The following MYO7A variants were observed in gnomAD, a reference collection of about 807,000 sequenced individuals.
The protein encoded by MYO7A is unconventional myosin-VIIa.
Under a neutral mutation model 263.8 loss-of-function variants are expected in MYO7A, and 210 were observed. The observed-to-expected ratio is 0.80, with a 90% CI of 0.71 to 0.89. The LOEUF is 0.89. Among genes scored for constraint, MYO7A ranks in the 40% least tolerant of loss-of-function variants. MYO7A has a pLI of 0.00. For synonymous variants in MYO7A, 1,239 were observed against 1,197.3 expected (o/e 1.03, Z -0.72); for missense variants, 2,820 against 2,968.3 (o/e 0.95, Z 1.16).
chr11:77,201,635 T>G lies in MYO7A; in HGVS notation c.5040T>G (p.Ile1680Met). 2 of 1,612,592 alleles carry G rather than the reference T, an allele frequency of 1.2e-6. No individual in the cohort carries two copies. Among genetic ancestry groups the G allele is most frequent in the Non-Finnish European group, 1.7e-6 (2 of 1,178,896 alleles). The change falls in exon 36 of 49, where the codon ATT becomes ATG. Residue 1680 changes from isoleucine to methionine, a missense_variant. Transcript: ENST00000409709. ...CTGTCACCATGCCACCGCGGGAGATTGTGGTATGTGGCCTGGGGGTGGCAG... is the reference window on the plus strand; with the variant it reads ...CTGTCACCATGCCACCGCGGGAGATGGTGGTATGTGGCCTGGGGGTGGCAG... ...MPTVTMPPREIVALVTMTPDQ... is the reference protein window; with the variant it reads ...MPTVTMPPREMVALVTMTPDQ...
rs552453906 is a variant in MYO7A at position 77,138,091 on chromosome 11, G to A, written c.19-4618G>A. Among the ~76,000 whole-genome samples the A allele has an allele frequency of 0.011, 1,720 of 152,236 alleles. 23 individuals carry two copies. Among genetic ancestry groups the A allele is most frequent in the Non-Finnish European group, 0.018 (1,242 of 67,998 alleles). The stretch of plus-strand genomic sequence containing the variant: ...CCGCGGTGCCAGTGAAGCCGCCTGG[G>A]ATTCCGGGCAAAGTGGGGCTGTGGG... On this transcript the variant is annotated intron_variant, in intron 2 of 48. Coordinates refer to ENST00000409709, the MANE Select transcript of MYO7A (RefSeq NM_000260.4). This position sits in a 1 kb window ranked among gnomAD's most constrained non-coding sequence, Gnocchi z 4.9.
At chr11:77,131,981 AATG>A (rs1950779011) in intron 2 of MYO7A, among the ~76,000 whole-genome samples, 2 of 152,176 alleles carry the variant, frequency 1.3e-5, no homozygotes, top group South Asian at 4.1e-4. Context: ...TCATATGTAA[AATG>A]AAGATTAAAA....
At chr11:77,149,368 G>T (rs1406398089) in intron 4 of MYO7A, among the ~76,000 whole-genome samples, 1 of 152,214 alleles carries the variant, frequency 6.6e-6, no homozygotes, top group Admixed American at 6.5e-5. Context: ...TGGTATTTGG[G>T]CTTCTGGAGG....
At chr11:77,178,996 C>A (rs1555081987) in intron 19 of MYO7A, 49 bp from the exon 20 acceptor site, 1 of 1,496,888 alleles carries the variant, frequency 6.7e-7, no homozygotes, top group Admixed American at 1.9e-5. Flanking sequence ...CCACCTGTAC[C>A]CTGGCTGCCT....
At chr11:77,182,343 C>T in intron 24 of MYO7A, 81 bp from the exon 25 acceptor site, 2 of 1,486,982 alleles carry the variant, frequency 1.3e-6, no homozygotes, top group South Asian at 1.3e-5. Flanking sequence ...GTCTCCAGCC[C>T]ACTCCCCAAA....
intron 3 of MYO7A, among the ~76,000 whole-genome samples, chr11:77,145,410 A>C: frequency 6.6e-6 from 1 of 152,282 alleles, no homozygotes; most frequent in East Asian, 1.9e-4. Context: ...TGATGTGCTC[A>C]GGGGTCCGGG....
chr11:77,211,029 G>C, intron 44 of MYO7A, 123 bp from the exon 45 acceptor site: 2 of 852,550 alleles, frequency 2.3e-6, no homozygotes, highest in Admixed American at 5.4e-5. Context: ...AGGCTGGAGA[G>C]GTGGGTGGGC....
intron 11 of MYO7A, among the ~76,000 whole-genome samples, chr11:77,160,492 T>C (rs563576625): frequency 6.6e-6 from 1 of 152,312 alleles, no homozygotes; most frequent in South Asian, 2.1e-4. Context: ...CCCTTGGCTT[T>C]TGGCCTGCTT....
chr11:77,173,043 T>C (rs1954274770), intron 16 of MYO7A, among the ~76,000 whole-genome samples, 158 bp downstream of exon 16: 2 of 152,192 alleles, frequency 1.3e-5, no homozygotes, highest in East Asian at 1.9e-4. Context: ...CCCCTATTTA[T>C]TGGAGGCAGC....
intron 18 of MYO7A, 55 bp from the exon 19 acceptor site, chr11:77,177,494 C>G (rs1954744762): frequency 7.4e-7 from 1 of 1,359,848 alleles, no homozygotes; most frequent in Non-Finnish European, 1.0e-6. Flanking sequence ...TGGGACTGAG[C>G]AGGTGGTCCT....
intron 2 of MYO7A, among the ~76,000 whole-genome samples, chr11:77,132,246 A>T (rs1023672083): frequency 1.3e-5 from 2 of 152,074 alleles, no homozygotes; most frequent in Admixed American, 1.3e-4. Context: ...CCTGGTCCAC[A>T]GTCCTCCTCC....
intron 11 of MYO7A, 143 bp from the exon 12 acceptor site, chr11:77,160,830 A>C: frequency 1.1e-6 from 1 of 885,400 alleles, no homozygotes; most frequent in Non-Finnish European, 1.7e-6. Context: ...GGCAGAGGGA[A>C]CAGCTCAAGT....
intron 5 of MYO7A, among the ~76,000 whole-genome samples, chr11:77,156,419 A>G (rs1435349397): frequency 5.3e-5 from 8 of 152,218 alleles, no homozygotes; most frequent in African/African-American, 1.9e-4. Flanking sequence ...TTGACTGAGC[A>G]TCTAATATGT....
chr11:77,179,114 G>T lies in MYO7A; in HGVS notation c.2352G>T (p.Arg784Ser), dbSNP rs782804821. 2 of 1,602,966 alleles carry T rather than the reference G, an allele frequency of 1.2e-6. No homozygotes were observed. Among genetic ancestry groups the T allele is most frequent in the Non-Finnish European group, 8.5e-7 (1 of 1,175,188 alleles). Residue 784 changes from arginine (R) to serine (S), a missense_variant, in exon 20 of 49, where the codon AGG becomes AGT. Physicochemically the swap from Arg to Ser is moderately radical, Grantham distance 110. Coordinates refer to ENST00000409709, the MANE Select transcript of MYO7A (RefSeq NM_000260.4). Reference sequence around the variant, plus strand: ...GGCACTGGCGGGGTCACAACTGTAGGAAGAACTACGGGCTGGTGAGCCTCC... The same window carrying T: ...GGCACTGGCGGGGTCACAACTGTAGTAAGAACTACGGGCTGGTGAGCCTCC... ...IQRHWRGHNCRKNYGLMRLGF... is the reference protein window; with the variant it reads ...IQRHWRGHNCSKNYGLMRLGF...
intron 15 of MYO7A, among the ~76,000 whole-genome samples, chr11:77,171,275 G>T (rs781991301): frequency 6.6e-6 from 1 of 152,144 alleles, no homozygotes; most frequent in Non-Finnish European, 1.5e-5. Context: ...ATGCGTATGC[G>T]TGTACTCATG....
In MYO7A at chr11:77,156,070, G is replaced by A. The variant is rs202245413; in HGVS notation, c.449G>A (p.Arg150Gln). The A allele has an allele frequency of 5.3e-4, 863 of 1,613,730 alleles. 2 individuals carry two copies. The highest frequency in any genetic ancestry group is 6.7e-4 in the Non-Finnish European group (795 of 1,179,886). The change falls in exon 5 of 49, where the codon CGA becomes CAA. Residue 150 changes from arginine (R) to glutamine (Q), a missense_variant. Arg to Gln is a conservative substitution (Grantham distance 43). Transcript: ENST00000409709. Reference protein sequence around the residue: ...NCYFNMKRNSRDQCCIISGES... With the variant: ...NCYFNMKRNSQDQCCIISGES... ...TACTTCAACATGAAACGCAACAGCC[G>A]AGACCAGTGCTGCATCATCAGGTGG...
At chr11:77,130,796 G>A (rs1332911798) in intron 2 of MYO7A, 144 bp downstream of exon 2, 11 of 907,360 alleles carry the variant, frequency 1.2e-5, no homozygotes, top group Non-Finnish European at 1.7e-5. Context: ...CCAGGCTGAG[G>A]CCTAGTCTGA....
chr11:77,202,783 G>T (rs1002600471), intron 37 of MYO7A, among the ~76,000 whole-genome samples: 1 of 151,646 alleles, frequency 6.6e-6, no homozygotes, highest in Non-Finnish European at 1.5e-5. Flanking sequence ...TGGAGGCGTT[G>T]TGCACTGAGC....
At chr11:77,157,243 C>A in intron 7 of MYO7A, 36 bp from the exon 8 acceptor site, 1 of 1,538,716 alleles carries the variant, frequency 6.5e-7, no homozygotes, top group Non-Finnish European at 8.9e-7. Flanking sequence ...TCTGGCCCTC[C>A]TCCCCTGGCC....
Sources: allele counts gnomAD v4.1 joint callset (sites outside exome capture counted in the v4.1 genomes callset), GRCh38; gene constraint gnomAD v4.1.1; non-coding constraint Gnocchi (gnomAD v3.1); transcripts MANE v1.5; gene names NCBI Gene and HGNC (gene_info 2026-07-23, HGNC 2026-07-21).